ACSM1: variants seen among roughly 807,000 people sequenced by gnomAD.
The protein encoded by ACSM1 is acyl-CoA synthetase medium chain family member 1.
Under a neutral mutation model 75.8 loss-of-function variants are expected in ACSM1, and 79 were observed. That is an observed-to-expected ratio of 1.04 (90% CI 0.87 to 1.26). The LOEUF (loss-of-function observed/expected upper bound fraction) is 1.26. Ranked by LOEUF, ACSM1 falls within the 50% of genes most tolerant of loss-of-function variation. The pLI, the probability that ACSM1 is intolerant of heterozygous loss-of-function variation, is 0.00. For synonymous variants in ACSM1, 279 were observed against 265.8 expected, an observed-to-expected ratio of 1.05 and a Z score of -0.48; for missense variants, 676 against 720.1, an observed-to-expected ratio of 0.94 and a Z score of 0.70.
chr16:20,666,381 A>G (rs1358824689), intron 6 of ACSM1, among the ~76,000 whole-genome samples: 1 of 152,096 alleles, frequency 6.6e-6, no homozygotes, highest in Non-Finnish European at 1.5e-5. Context: ...ATTTACAACT[A>G]CCACTAAAAA....
At chr16:20,659,263 C>G (rs2019166832) in intron 7 of ACSM1, among the ~76,000 whole-genome samples, 1 of 152,128 alleles carries the variant, frequency 6.6e-6, no homozygotes, top group South Asian at 2.1e-4. Flanking sequence ...AACAAGCTTT[C>G]CTAGCACTGT....
intron 8 of ACSM1, among the ~76,000 whole-genome samples, chr16:20,638,731 G>C (rs1030622555): frequency 6.6e-6 from 1 of 152,202 alleles, no homozygotes; most frequent in African/African-American, 2.4e-5. Context: ...TTGGACCCAG[G>C]TCTGTGCTCC....
At chr16:20,672,233 C>T (rs1179065352) in intron 4 of ACSM1, among the ~76,000 whole-genome samples, 6 of 150,210 alleles carry the variant, frequency 4.0e-5, no homozygotes, top group Non-Finnish European at 8.9e-5. Flanking sequence ...AAATTAAACT[C>T]TGTGACCTTG....
rs2016781666 is a variant in ACSM1 at position 20,624,231 on chromosome 16, A to G, written c.1528-16T>C. 1.9e-6 allele frequency: 3 copies of G among 1,600,312 alleles called. No homozygotes were observed. The highest frequency in any genetic ancestry group is 3.4e-5 in the Admixed American group (2 of 59,170). On this transcript the variant is annotated splice_polypyrimidine_tract_variant and intron_variant, in intron 12 of 13. Coordinates refer to ENST00000520010, the MANE Select transcript of ACSM1 (RefSeq NM_001318890.3). ...CCTTCACCACCTGCAGAATGAAGTCATGGGCTCACAGTGAGTGCCAACCTA... is the reference window on the plus strand; with the variant it reads ...CCTTCACCACCTGCAGAATGAAGTCGTGGGCTCACAGTGAGTGCCAACCTA...
chr16:20,663,821 C>T (rs2019420405), intron 6 of ACSM1, among the ~76,000 whole-genome samples: 1 of 152,132 alleles, frequency 6.6e-6, no homozygotes, highest in Admixed American at 6.6e-5. Context: ...TTCCCCCTTC[C>T]GTGTATTTCT....
intron 7 of ACSM1, among the ~76,000 whole-genome samples, chr16:20,645,528 G>C (rs1333254717): frequency 2.6e-5 from 4 of 152,176 alleles, no homozygotes; most frequent in Non-Finnish European, 1.5e-5. Flanking sequence ...TTTTACGAGG[G>C]TTGGGACAAT....
chr16:20,645,510 C>A (rs1234011625), intron 7 of ACSM1, among the ~76,000 whole-genome samples: 1 of 152,134 alleles, frequency 6.6e-6, no homozygotes, highest in African/African-American at 2.4e-5. Flanking sequence ...CTGATGGCTA[C>A]ATTGATGTTT....
chr16:20,636,720 G>A lies in ACSM1; in HGVS notation c.1299+19C>T, dbSNP rs899230274. 1 of 1,593,282 alleles carries A rather than the reference G, an allele frequency of 6.3e-7. No individual in the cohort carries two copies. The highest frequency in any genetic ancestry group is 1.3e-5 in the African/African-American group (1 of 74,426). On this transcript the variant is annotated intron_variant, in intron 10 of 13. Transcript: ENST00000520010. ...TGGGATCCTTGGGGCCAGGATGGGG[G>A]CAGATGGGGGGTCATTACCTCATAG...
intron 4 of ACSM1, chr16:20,680,053 C>T (rs1192382930): frequency 2.6e-5 from 4 of 152,148 alleles, no homozygotes; most frequent in Non-Finnish European, 4.4e-5. Flanking sequence ...AACCACAAAT[C>T]GGATGCCCAG....
chr16:20,642,743 T>C (rs1158594336), intron 7 of ACSM1, among the ~76,000 whole-genome samples: 2 of 152,176 alleles, frequency 1.3e-5, no homozygotes, highest in African/African-American at 2.4e-5. Context: ...TGAAAATGAA[T>C]TGAGTAAGTT....
chr16:20,646,768 T>C (rs1233235100), intron 7 of ACSM1, among the ~76,000 whole-genome samples: 1 of 152,236 alleles, frequency 6.6e-6, no homozygotes. Flanking sequence ...TATGCTTACC[T>C]AGTCCTCCAT....
chr16:20,628,511 A>C (rs927608300), intron 10 of ACSM1, among the ~76,000 whole-genome samples: 4 of 151,858 alleles, frequency 2.6e-5, no homozygotes, highest in African/African-American at 9.7e-5. Context: ...CAAGAATGTT[A>C]TATAAATAGA....
chr16:20,637,861 A>G (rs1034768681), intron 8 of ACSM1, among the ~76,000 whole-genome samples: 4 of 152,212 alleles, frequency 2.6e-5, no homozygotes, highest in Admixed American at 2.6e-4. Context: ...GAGCAGTGAT[A>G]GGGATTCTGC....
chr16:20,659,921 G>A (rs1180810550), intron 7 of ACSM1, among the ~76,000 whole-genome samples: 1 of 152,096 alleles, frequency 6.6e-6, no homozygotes, highest in Admixed American at 6.6e-5. Flanking sequence ...CCTATAACCT[G>A]AAAGACCCCG....
chr16:20,666,843 A>G (rs34894022), intron 6 of ACSM1, among the ~76,000 whole-genome samples: 23,415 of 152,136 alleles, frequency 0.15, 2,227 homozygotes, highest in East Asian at 0.5. Context: ...TAAGCAATGG[A>G]GAAAGGACTT....
intron 7 of ACSM1, among the ~76,000 whole-genome samples, chr16:20,647,174 C>T (rs1208402859): frequency 3.9e-5 from 6 of 152,136 alleles, no homozygotes; most frequent in Admixed American, 3.9e-4. Context: ...TGAGGGTATG[C>T]TTGTGTTTTT....
At chr16:20,651,314 T>C (rs1004844280) in intron 7 of ACSM1, among the ~76,000 whole-genome samples, 1 of 152,176 alleles carries the variant, frequency 6.6e-6, no homozygotes, top group African/African-American at 2.4e-5. Context: ...TGTGTGTGTA[T>C]ACAATATTTT....
rs200499740 is a variant in ACSM1 at position 20,623,611 on chromosome 16, T to C, written c.1648-39A>G. ...AAGCAAATCCACAGTGATTGAGTCCTGCTGCCATTTCCTAACAATTCTCCA... is the reference window on the plus strand; with the variant it reads ...AAGCAAATCCACAGTGATTGAGTCCCGCTGCCATTTCCTAACAATTCTCCA... On this transcript the variant is annotated intron_variant, in intron 13 of 13. Transcript: ENST00000520010. 12 of 1,577,860 alleles carry C rather than the reference T, an allele frequency of 7.6e-6. No individual in the cohort carries two copies. In the East Asian group the frequency reaches 2.2e-4, roughly 29 times the overall value.
intron 4 of ACSM1, chr16:20,674,102 T>C (rs1394516313): frequency 2.2e-6 from 1 of 450,898 alleles, no homozygotes; most frequent in Non-Finnish European, 4.5e-6. Flanking sequence ...TTCTTCTACC[T>C]GTGGAACAGG....
Sources: allele counts gnomAD v4.1 joint callset (sites outside exome capture counted in the v4.1 genomes callset), GRCh38; gene constraint gnomAD v4.1.1; transcripts MANE v1.5; gene names NCBI Gene and HGNC (gene_info 2026-07-23, HGNC 2026-07-21).